The following CRK variants were observed in gnomAD, a reference collection of about 807,000 sequenced individuals.
CRK encodes the protein CRK proto-oncogene, adaptor protein, also known as adapter molecule crk.
In CRK, 4 loss-of-function variants were observed where a neutral mutation model predicts 29.8. The ratio of observed to expected loss-of-function variants is 0.13; its 90% CI spans 0.07 to 0.31. CRK has a LOEUF of 0.31. Among genes scored for constraint, CRK ranks in the 10% least tolerant of loss-of-function variants. The pLI, the probability that CRK is intolerant of heterozygous loss-of-function variation, is 1.00. For synonymous variants in CRK, 153 were observed against 164.9 expected, an observed-to-expected ratio of 0.93 and a Z score of 0.55; for missense variants, 274 against 396.5, an observed-to-expected ratio of 0.69 and a Z score of 2.62.
intron 2 of CRK, among the ~76,000 whole-genome samples, chr17:1,430,631 C>T (rs1320789111): frequency 6.7e-6 from 1 of 149,894 alleles, no homozygotes; most frequent in South Asian, 2.2e-4. Context: ...TCCCAAAGTG[C>T]TGGGATTACA....
chr17:1,453,286 G>A lies in CRK; in HGVS notation c.241+2591C>T, dbSNP rs77396776. 5.5e-3 allele frequency among the ~76,000 whole-genome samples: 836 copies of A among 152,250 alleles called. 12 individuals are homozygous for A. Among genetic ancestry groups the A allele is most frequent in the African/African-American group, 0.019 (784 of 41,536 alleles). On this transcript the variant is annotated intron_variant, in intron 1 of 2. Coordinates refer to ENST00000300574, the MANE Select transcript of CRK (RefSeq NM_016823.4). ...TGAAAAGGTGGTGCTCGATTATCAC[G>A]GTAAGTGTTGAGACATAAAATCGTT...
intron 1 of CRK, among the ~76,000 whole-genome samples, chr17:1,454,501 G>T (rs1026590571): frequency 3.3e-5 from 5 of 152,226 alleles, no homozygotes; most frequent in African/African-American, 9.6e-5. Flanking sequence ...GGGTGACAGA[G>T]CAAGACTCCG....
chr17:1,430,925 G>A (rs141608062), intron 2 of CRK, among the ~76,000 whole-genome samples: 1,599 of 151,666 alleles, frequency 0.011, 31 homozygotes, highest in African/African-American at 0.036. Context: ...AAAATTAACC[G>A]GGCGTGGTAG....
intron 2 of CRK, among the ~76,000 whole-genome samples, chr17:1,430,577 G>T (rs545417483): frequency 5.0e-5 from 7 of 141,298 alleles, no homozygotes; most frequent in Admixed American, 1.4e-4. Flanking sequence ...GTATTAGCCA[G>T]GATGGTCTCC....
chr17:1,449,929 T>C (rs1356634462), intron 1 of CRK, among the ~76,000 whole-genome samples: 1 of 152,198 alleles, frequency 6.6e-6, no homozygotes, highest in African/African-American at 2.4e-5. Context: ...CTGCGCACGG[T>C]GGCTCACGCC....
Position 1,456,137 on chromosome 17 carries a change from C to G in CRK, c.-20G>C. 1 of 1,480,390 alleles carries G rather than the reference C, an allele frequency of 6.8e-7. No individual in the cohort carries two copies. Among genetic ancestry groups the G allele is most frequent in the Middle Eastern group, 1.8e-4 (1 of 5,408 alleles). The allele number at this position is 1,480,390 out of a possible 1,614,324, so 91.7% of individuals were successfully genotyped here. A position where few individuals can be genotyped will look rare whatever the true frequency, so the allele number is the denominator to read the frequency against. On this transcript the variant is annotated 5_prime_UTR_variant, in exon 1 of 3. Transcript: ENST00000300574. ...CGCCATGGCTGCCTCCGCGCCTAAA[C>G]GCTGGGGTGCCGCCGCCGCGCGCGC...
intron 2 of CRK, among the ~76,000 whole-genome samples, chr17:1,433,116 G>A (rs1468915071): frequency 6.6e-6 from 1 of 152,144 alleles, no homozygotes; most frequent in Non-Finnish European, 1.5e-5. Context: ...TCTAGAATTG[G>A]TACAGGAACA....
intron 2 of CRK, among the ~76,000 whole-genome samples, chr17:1,426,998 C>G (rs2150899325): frequency 8.5e-6 from 1 of 118,326 alleles, no homozygotes; most frequent in East Asian, 2.6e-4. Flanking sequence ...TACCAGTGCA[C>G]TCCAGCCTGG....
chr17:1,437,820 AT>A (rs34817166), intron 1 of CRK, among the ~76,000 whole-genome samples: 3,107 of 136,656 alleles, frequency 0.023, 86 homozygotes, highest in African/African-American at 0.07. Context: ...TGACAAGCTA[AT>A]TTTTTTTTTT....
At chr17:1,425,934 A>G (rs1249923503) in intron 2 of CRK, among the ~76,000 whole-genome samples, 3 of 152,226 alleles carry the variant, frequency 2.0e-5, no homozygotes, top group East Asian at 3.9e-4. Flanking sequence ...TCATGCCTGT[A>G]ATCCCAGCAC....
chr17:1,422,766 G>A lies in CRK; in HGVS notation c.*747C>T, dbSNP rs769067758. The A allele has an allele frequency of 5.1e-6, 2 of 395,250 alleles. No homozygotes were observed. Among genetic ancestry groups the A allele is most frequent in the Admixed American group, 8.8e-5 (2 of 22,612 alleles). 24.5% of individuals were successfully genotyped at this position (395,250 alleles called of 1,614,324 possible). On this transcript the variant is annotated 3_prime_UTR_variant, in exon 3 of 3. Transcript: ENST00000300574. The stretch of plus-strand genomic sequence containing the variant: ...GGGAAGGCAGAGAGCTGGGAGACTG[G>A]CTGTCCACTTAGTGAATCCAACACT...
In CRK at chr17:1,421,499, G is replaced by A. The variant is rs2073724060; in HGVS notation, c.*2014C>T. The A allele has an allele frequency of 6.6e-6, 1 of 152,200 alleles. No homozygotes were observed. Among genetic ancestry groups the A allele is most frequent in the Non-Finnish European group, 1.5e-5 (1 of 68,038 alleles). The allele number at this position is 152,200 out of a possible 1,614,324, so 9.4% of individuals were successfully genotyped here. A position where few individuals can be genotyped will look rare whatever the true frequency, so the allele number is the denominator to read the frequency against. ...CAACACTAATGAGCACCCACTCTGT[G>A]CATAGCACTGGGCTACCATTTTACA... On this transcript the variant is annotated 3_prime_UTR_variant, in exon 3 of 3. Transcript: ENST00000300574.
intron 1 of CRK, among the ~76,000 whole-genome samples, chr17:1,445,275 T>C (rs961267647): frequency 6.6e-6 from 1 of 152,208 alleles, no homozygotes; most frequent in African/African-American, 2.4e-5. Context: ...TCCAAATGAA[T>C]GATGAGACCA....
intron 2 of CRK, 31 bp from the exon 3 acceptor site, chr17:1,423,681 T>C: frequency 6.2e-7 from 1 of 1,611,440 alleles, no homozygotes; most frequent in Non-Finnish European, 8.5e-7. Context: ...GAGCACTTTA[T>C]TTCCAGGTAG....
chr17:1,425,925 C>T (rs1057271299), intron 2 of CRK, among the ~76,000 whole-genome samples: 3 of 152,228 alleles, frequency 2.0e-5, no homozygotes, highest in Non-Finnish European at 4.4e-5. Context: ...TGCAGTGGCT[C>T]ATGCCTGTAA....
chr17:1,436,478 C>T, intron 2 of CRK, 142 bp downstream of exon 2: 1 of 849,728 alleles, frequency 1.2e-6, no homozygotes, highest in African/African-American at 1.8e-5. Flanking sequence ...GAAAACCCAA[C>T]ATTCAATGCC....
chr17:1,439,199 C>A (rs2073915096), intron 1 of CRK, among the ~76,000 whole-genome samples: 1 of 152,130 alleles, frequency 6.6e-6, no homozygotes, highest in African/African-American at 2.4e-5. Context: ...GGGTTCACGT[C>A]ATTCTCCTGC....
At chr17:1,448,057 G>A (rs879348582) in intron 1 of CRK, among the ~76,000 whole-genome samples, 8 of 151,948 alleles carry the variant, frequency 5.3e-5, no homozygotes. Context: ...CAGGAGAATC[G>A]CTTGAACCCG....
rs760787562 is a variant in CRK at position 1,436,643 on chromosome 17, C to T, written c.754G>A (p.Asp252Asn). ...ACCTCCAAAGCCAAGGCTGTCTTGT[C>T]GTAGGCATTGGGGACTCGCTTCTGG... ...VIQKRVPNAY[D>N]KTALALEVGE... The change falls in exon 2 of 3, where the codon GAC (aspartate) becomes AAC (asparagine). Residue 252 changes from aspartate to asparagine, a missense_variant. This residue lies in a region of CRK where 121 missense variants were observed against 154.3 expected (regional missense o/e 0.78). Transcript: ENST00000300574. 4 of 1,608,456 alleles carry T rather than the reference C, an allele frequency of 2.5e-6. No homozygotes were observed. The highest frequency in any genetic ancestry group is 1.7e-4 in the Middle Eastern group (1 of 6,028).
Sources: allele counts gnomAD v4.1 joint callset (sites outside exome capture counted in the v4.1 genomes callset), GRCh38; gene constraint gnomAD v4.1.1; regional missense constraint gnomAD v4.1.1; transcripts MANE v1.5; gene names NCBI Gene and HGNC (gene_info 2026-07-23, HGNC 2026-07-21).